RUNX1T1: variants seen among roughly 807,000 people sequenced by gnomAD.
RUNX1T1 encodes the protein protein CBFA2T1.
RUNX1T1 carries 4 observed loss-of-function variants against 62.8 expected under a neutral mutation model. The observed-to-expected ratio is 0.06, with a 90% confidence interval of 0.03 to 0.15. The LOEUF (loss-of-function observed/expected upper bound fraction) is 0.15. Ranked by LOEUF, RUNX1T1 falls within the 10% of genes least tolerant of loss-of-function variation. The probability of loss-of-function intolerance (pLI) is 1.00; values close to 1 mark genes in which losing one functional copy is unlikely to be tolerated. For missense variants in RUNX1T1, 508 were observed against 754.3 expected (o/e 0.67, Z 3.82); for synonymous variants, 291 against 286.0 (o/e 1.02, Z -0.18).
chr8:91,995,421 T>C (rs973081951), intron 5 of RUNX1T1, among the ~76,000 whole-genome samples: 2 of 152,140 alleles, frequency 1.3e-5, no homozygotes, highest in Non-Finnish European at 2.9e-5. Flanking sequence ...CTGGGGCCCA[T>C]CACCCTGCTA....
upstream of RUNX1T1, chr8:92,102,825 C>A: frequency 6.7e-7 from 1 of 1,496,598 alleles, no homozygotes; most frequent in Non-Finnish European, 8.8e-7. The surrounding 1 kb of genome is among the most constrained non-coding windows in gnomAD (Gnocchi z 4.5). Context: ...CCGCCGCCCG[C>A]CCGCCGGCCA....
exon 5 of RUNX1T1, chr8:92,005,223 G>A (rs777183904): frequency 4.3e-6 from 7 of 1,614,052 alleles, no homozygotes; most frequent in South Asian, 3.3e-5. Flanking sequence ...CATGCTGGGC[G>A]AGGTACTGGG....
At chr8:92,091,704 C>T (rs1480552997) in intron 1 of RUNX1T1, among the ~76,000 whole-genome samples, 1 of 152,150 alleles carries the variant, frequency 6.6e-6, no homozygotes, top group African/African-American at 2.4e-5. Context: ...GCATGATGCC[C>T]AGCTCTCTTT....
At chr8:92,037,220 G>T (rs1827592186) in intron 1 of RUNX1T1, among the ~76,000 whole-genome samples, 1 of 152,128 alleles carries the variant, frequency 6.6e-6, no homozygotes, top group Non-Finnish European at 1.5e-5. Context: ...CCAATGCCTT[G>T]AGAAGCCACA....
At chr8:92,095,169 C>T in intron 1 of RUNX1T1, 1 of 1,535,328 alleles carries the variant, frequency 6.5e-7, no homozygotes, top group East Asian at 2.4e-5. Context: ...TTCTCTCCGC[C>T]AGCTAAGAGG....
intron 1 of RUNX1T1, chr8:92,062,534 G>A (rs1832219290): frequency 1.9e-6 from 3 of 1,613,638 alleles, no homozygotes; most frequent in Non-Finnish European, 8.5e-7. Context: ...ACACAGAACA[G>A]GGCTAACTCA....
chr8:92,067,187 G>A (rs1458304151), upstream of RUNX1T1, among the ~76,000 whole-genome samples: 2 of 152,174 alleles, frequency 1.3e-5, no homozygotes, highest in African/African-American at 4.8e-5. Context: ...AAAACATGCT[G>A]GATAGAGGAA....
chr8:92,077,508 G>C (rs946335603), intron 1 of RUNX1T1, among the ~76,000 whole-genome samples: 30 of 152,006 alleles, frequency 2.0e-4, no homozygotes, highest in African/African-American at 6.8e-4. Context: ...GATTATTTCT[G>C]GAAGATGGCA....
Position 91,972,920 on chromosome 8 carries a change from AG to A in RUNX1T1, c.1268-2073del, listed in dbSNP as rs1413572315. ...TGTTAGATTTTTTCCAGTTTCATAA[AG>A]ACCTTTGTAACTTTTGAGTGCATTT... On this transcript the variant is annotated intron_variant, in intron 9 of 10. Coordinates refer to ENST00000396218, the Ensembl canonical transcript of RUNX1T1. 2.6e-5 allele frequency among the ~76,000 whole-genome samples: 4 copies of A among 152,216 alleles called. No individual in the cohort carries two copies. The South Asian group carries it at 8.3e-4, about 32-fold the overall frequency.
chr8:91,967,989 C>G (rs897234498), intron 10 of RUNX1T1, among the ~76,000 whole-genome samples: 1 of 152,046 alleles, frequency 6.6e-6, no homozygotes, highest in East Asian at 1.9e-4. Context: ...CTTTCAAAAA[C>G]ACTATTTTAA....
intron 8 of RUNX1T1, among the ~76,000 whole-genome samples, chr8:91,976,407 C>T (rs1437835914): frequency 6.6e-6 from 1 of 152,182 alleles, no homozygotes. Flanking sequence ...ATTCTGCCAC[C>T]TTTCAATGAA....
At chr8:92,061,746 G>A (rs770724566) in intron 1 of RUNX1T1, among the ~76,000 whole-genome samples, 5 of 151,996 alleles carry the variant, frequency 3.3e-5, no homozygotes, top group South Asian at 4.2e-4. Flanking sequence ...CACATAAATC[G>A]GCCAGCTGGA....
chr8:92,059,616 C>T (rs1027553220), intron 1 of RUNX1T1, among the ~76,000 whole-genome samples: 1 of 152,092 alleles, frequency 6.6e-6, no homozygotes, highest in Non-Finnish European at 1.5e-5. Flanking sequence ...AAAAATGGGC[C>T]GGCTGTGAGA....
chr8:92,076,787 CCTG>C (rs1257402926), intron 1 of RUNX1T1, among the ~76,000 whole-genome samples: 2 of 151,916 alleles, frequency 1.3e-5, no homozygotes, highest in African/African-American at 4.8e-5. Flanking sequence ...TCTCATTTTT[CCTG>C]CTATATTTGA....
intron 1 of RUNX1T1, among the ~76,000 whole-genome samples, chr8:92,022,406 T>G (rs893906976): frequency 5.3e-5 from 8 of 152,184 alleles, no homozygotes; most frequent in Admixed American, 3.9e-4. Context: ...GGTGCCGTGA[T>G]CTGAATGTTT....
At chr8:91,966,795 C>T (rs1417265926) in intron 10 of RUNX1T1, among the ~76,000 whole-genome samples, 1 of 152,148 alleles carries the variant, frequency 6.6e-6, no homozygotes, top group African/African-American at 2.4e-5. Context: ...ATATCTGCCG[C>T]AAGTCCAGTG....
intron 10 of RUNX1T1, among the ~76,000 whole-genome samples, chr8:91,967,558 T>G (rs573589030): frequency 1.3e-5 from 2 of 152,276 alleles, no homozygotes; most frequent in Admixed American, 1.3e-4. Flanking sequence ...AGCTCCGTTT[T>G]ATACATGTGA....
chr8:91,973,769 T>C (rs1373230525), intron 9 of RUNX1T1, among the ~76,000 whole-genome samples: 1 of 152,070 alleles, frequency 6.6e-6, no homozygotes, highest in Admixed American at 6.5e-5. Context: ...TTAAGAAACC[T>C]ATAAAGATAA....
intron 1 of RUNX1T1, among the ~76,000 whole-genome samples, chr8:92,023,609 T>G (rs1824551835): frequency 6.6e-6 from 1 of 152,232 alleles, no homozygotes; most frequent in South Asian, 2.1e-4. Flanking sequence ...CCTCTTTAGT[T>G]GTCACCAAAA....
Sources: gnomAD v4.1 joint callset for allele counts (sites outside exome capture counted in the v4.1 genomes callset) on GRCh38, gnomAD v4.1.1 for gene constraint, Gnocchi (gnomAD v3.1) non-coding constraint, MANE v1.5 for transcripts, NCBI Gene and HGNC (gene_info 2026-07-23, HGNC 2026-07-21) for gene names.